The following BPTF variants were observed in gnomAD, a reference collection of about 807,000 sequenced individuals.
BPTF encodes nucleosome-remodeling factor subunit BPTF.
Under a neutral mutation model 292.5 loss-of-function variants are expected in BPTF, and 18 were observed. The ratio of observed to expected loss-of-function variants is 0.06; its 90% CI spans 0.04 to 0.09. The LOEUF (loss-of-function observed/expected upper bound fraction) is 0.09, where lower values mean the gene tolerates loss of function less well. BPTF is among the 10% of genes least tolerant of loss of function. The probability of loss-of-function intolerance (pLI) is 1.00; values close to 1 mark genes in which losing one functional copy is unlikely to be tolerated. For missense variants in BPTF, 2,726 were observed against 3,498.7 expected (o/e 0.78, Z 5.57); for synonymous variants, 1,225 against 1,251.9 (o/e 0.98, Z 0.45).
At chr17:67,968,825 A>G (rs1284071570) in intron 26 of BPTF, among the ~76,000 whole-genome samples, 2 of 150,686 alleles carry the variant, frequency 1.3e-5, no homozygotes, top group East Asian at 3.9e-4. Flanking sequence ...AATAAATACT[A>G]TACAAAATTA....
Position 67,825,799 on chromosome 17 carries a change from G to A in BPTF, c.75G>A (p.Pro25=). ...CGGAGCGCTGCGCCCCGGCCCCGCC[G>A]CCACCGCCGCCGCCGCCCACGTCCG... is the stretch of plus-strand genomic sequence containing the variant. ...PAAERCAPAP[P]PPPPPPTSGP... The change falls in exon 1 of 28, where the codon CCG becomes CCA. Residue 25 remains proline, a synonymous_variant. Transcript: ENST00000306378. 9.7e-7 allele frequency: 1 copy of A among 1,030,058 alleles called. No homozygotes were observed. The highest frequency in any genetic ancestry group is 1.2e-6 in the Non-Finnish European group (1 of 861,272). 63.8% of individuals were successfully genotyped at this position (1,030,058 alleles called of 1,614,324 possible).
chr17:67,911,127 A>C lies in BPTF; in HGVS notation c.3243A>C (p.Lys1081Asn). 6.2e-7 allele frequency: 1 copy of C among 1,614,100 alleles called. No individual in the cohort carries two copies. The highest frequency in any genetic ancestry group is 1.7e-5 in the Admixed American group (1 of 60,026). Residue 1081 changes from lysine to asparagine, a missense_variant, in exon 11 of 28, where the codon AAA (lysine) becomes AAC (asparagine). Physicochemically the swap from Lys to Asn is moderately conservative, Grantham distance 94. Around this residue, in one of 22 missense-constraint regions of BPTF, gnomAD observed 713 missense variants for 714.9 expected, o/e 1.00. Transcript: ENST00000306378. ...FTLEEKQRLEKIKLEGGIKGI... is the reference protein window; with the variant it reads ...FTLEEKQRLENIKLEGGIKGI... ...TGGAAGAAAAACAGCGACTCGAAAA[A>C]ATCAAGTTGGAGGGTGGAATTAAGG...
chr17:67,870,943 G>A (rs2059690111), intron 3 of BPTF, among the ~76,000 whole-genome samples: 1 of 150,854 alleles, frequency 6.6e-6, no homozygotes, highest in African/African-American at 2.4e-5. Context: ...CTAATTTTTT[G>A]TATTTTTAGT....
chr17:67,927,787 T>C lies in BPTF; in HGVS notation c.5752-568T>C, dbSNP rs1422257955. On this transcript the variant is annotated intron_variant, in intron 15 of 27. Coordinates refer to ENST00000306378, the MANE Select transcript of BPTF (RefSeq NM_182641.4). ...GAACAGCTTAGTACTTTTAATGTAA[T>C]ATATGTGGTATAGAGACATGAAAAT... is the stretch of plus-strand genomic sequence containing the variant. Among the ~76,000 whole-genome samples, 7 of 152,220 alleles carry C rather than the reference T, an allele frequency of 4.6e-5. No homozygotes were observed. In the South Asian group the frequency reaches 1.4e-3, roughly 31 times the overall value.
At chr17:67,827,724 G>A (rs916048703) in intron 1 of BPTF, among the ~76,000 whole-genome samples, 3 of 152,098 alleles carry the variant, frequency 2.0e-5, no homozygotes, top group Non-Finnish European at 2.9e-5. Flanking sequence ...GAGAAGTAGG[G>A]TAGTATTAAG....
intron 1 of BPTF, among the ~76,000 whole-genome samples, chr17:67,831,914 C>CA (rs2143862136): frequency 6.6e-6 from 1 of 152,198 alleles, no homozygotes; most frequent in Non-Finnish European, 1.5e-5. Context: ...ATTTATGAGA[C>CA]AGAGTCTCAC....
intron 2 of BPTF, among the ~76,000 whole-genome samples, chr17:67,860,807 C>G (rs2059029737): frequency 6.6e-6 from 1 of 152,246 alleles, no homozygotes; most frequent in Non-Finnish European, 1.5e-5. Flanking sequence ...ATCCTCCAGC[C>G]TTGGCCTCCC....
chr17:67,858,066 G>A (rs1288411222), intron 2 of BPTF, among the ~76,000 whole-genome samples: 1 of 152,166 alleles, frequency 6.6e-6, no homozygotes, highest in Admixed American at 6.5e-5. Context: ...GATTACAGGC[G>A]TGAGCCACCG....
At chr17:67,930,219 A>G (rs890584362) in intron 17 of BPTF, among the ~76,000 whole-genome samples, 1 of 151,674 alleles carries the variant, frequency 6.6e-6, no homozygotes, top group Non-Finnish European at 1.5e-5. Context: ...TTTTTTTGAG[A>G]CAGAGTTTCA....
chr17:67,896,654 T>A (rs1173100923), intron 7 of BPTF, among the ~76,000 whole-genome samples: 3 of 152,238 alleles, frequency 2.0e-5, no homozygotes, highest in Non-Finnish European at 4.4e-5. Flanking sequence ...TGTAAAATTT[T>A]AAAGGCAAGG....
rs774221704 is a variant in BPTF, at chr17:67,866,476, AGAAAAT to A, written c.1461_1466del (p.Asn487_Glu488del). On this transcript the variant is annotated inframe_deletion, in exon 3 of 28. Transcript: ENST00000306378. ...CATTTTTAAACAGAGAAGAAGATAC[AGAAAAT>A]GAAAATGAAAAGAAAATTTGGTATT... 3.7e-6 allele frequency: 6 copies of A among 1,607,526 alleles called. No individual in the cohort carries two copies. Among genetic ancestry groups the A allele is most frequent in the African/African-American group, 1.3e-5 (1 of 74,876 alleles).
rs898072117 is a variant in BPTF, at chr17:67,877,399, G to A, written c.1864+2379G>A. On this transcript the variant is annotated intron_variant, in intron 4 of 27. Coordinates refer to ENST00000306378, the MANE Select transcript of BPTF (RefSeq NM_182641.4). ...CCCTGGACCAAACTCTGTTACCACT[G>A]TTTACTACCTATGGTCAGTGGATGA... 2.0e-5 allele frequency among the ~76,000 whole-genome samples: 3 copies of A among 152,180 alleles called. No individual in the cohort carries two copies. The South Asian group carries it at 6.2e-4, about 31-fold the overall frequency.
chr17:67,857,587 C>A (rs912848750), intron 2 of BPTF, among the ~76,000 whole-genome samples: 6 of 151,628 alleles, frequency 4.0e-5, no homozygotes, highest in Admixed American at 3.9e-4. Flanking sequence ...CTGCTTCAGC[C>A]CACCAAGTAG....
At chr17:67,847,784 G>T (rs192516967) in intron 1 of BPTF, among the ~76,000 whole-genome samples, 3 of 152,158 alleles carry the variant, frequency 2.0e-5, no homozygotes, top group African/African-American at 4.8e-5. Context: ...GAATGTACTG[G>T]AAGAGCATAA....
chr17:67,831,572 A>G (rs552608123), intron 1 of BPTF, among the ~76,000 whole-genome samples: 6 of 152,104 alleles, frequency 3.9e-5, no homozygotes, highest in East Asian at 1.9e-4. Context: ...AAGACCAGGA[A>G]CTCTGGTCTC....
rs1342731328 is a variant in BPTF, at chr17:67,912,776, C to T, written c.4892C>T (p.Thr1631Ile). 2.5e-6 allele frequency: 4 copies of T among 1,614,166 alleles called. No homozygotes were observed. In the South Asian group the frequency reaches 4.4e-5, roughly 18 times the overall value. The change falls in exon 11 of 28, where the codon ACA (threonine) becomes ATA (isoleucine). Residue 1631 changes from threonine to isoleucine, a missense_variant. Around this residue, in one of 22 missense-constraint regions of BPTF, gnomAD observed 144 missense variants for 177.2 expected, o/e 0.81. Coordinates refer to ENST00000306378, the MANE Select transcript of BPTF (RefSeq NM_182641.4). ...TCCACTGTCACAACCACCACTACAA[C>T]AGTGACCAAGCTTTCCACACCCTCC... ...AKSTVTTTTTTVTKLSTPSTG... is the reference protein window; with the variant it reads ...AKSTVTTTTTIVTKLSTPSTG...
At chr17:67,883,821 G>A (rs545486822) in intron 4 of BPTF, among the ~76,000 whole-genome samples, 2 of 152,118 alleles carry the variant, frequency 1.3e-5, no homozygotes, top group East Asian at 1.9e-4. Context: ...GGCTGGTCTC[G>A]AACTCCTGAG....
rs2062737926 is a variant in BPTF at position 67,912,791 on chromosome 17, C to T, written c.4907C>T (p.Ser1636Phe). The T allele has an allele frequency of 6.2e-7, 1 of 1,614,026 alleles. No individual in the cohort carries two copies. The highest frequency in any genetic ancestry group is 8.5e-7 in the Non-Finnish European group (1 of 1,180,018). The change falls in exon 11 of 28, where the codon TCC (serine) becomes TTC (phenylalanine). Residue 1636 changes from serine to phenylalanine, a missense_variant. Ser to Phe is a radical substitution (Grantham distance 155). Coordinates refer to ENST00000306378, the MANE Select transcript of BPTF (RefSeq NM_182641.4). Reference sequence around the variant, plus strand: ...ACCACTACAACAGTGACCAAGCTTTCCACACCCTCCACAGGCGGCAGTGTG... The same window carrying T: ...ACCACTACAACAGTGACCAAGCTTTTCACACCCTCCACAGGCGGCAGTGTG... ...TTTTTTVTKL[S>F]TPSTGGSVDI...
Position 67,910,937 on chromosome 17 carries a change from T to A in BPTF, c.3053T>A (p.Val1018Glu). 6.2e-7 allele frequency: 1 copy of A among 1,613,932 alleles called. No homozygotes were observed. The highest frequency in any genetic ancestry group is 8.5e-7 in the Non-Finnish European group (1 of 1,179,932). The stretch of plus-strand genomic sequence containing the variant: ...CCCTGCAAGGAAGAACCAATGGAAG[T>A]AGACGATGACATGAAAACAGAGTCA... ...DKPCKEEPME[V>E]DDDMKTESHV... is the part of the protein sequence containing the mutation. Residue 1018 changes from valine to glutamate, a missense_variant, in exon 11 of 28, where the codon GTA becomes GAA. Val to Glu is a moderately radical substitution (Grantham distance 121). This residue lies in a region of BPTF where 713 missense variants were observed against 714.9 expected (regional missense o/e 1.00). Coordinates refer to ENST00000306378, the MANE Select transcript of BPTF (RefSeq NM_182641.4).
Sources: allele counts gnomAD v4.1 joint callset (sites outside exome capture counted in the v4.1 genomes callset), GRCh38; gene constraint gnomAD v4.1.1; regional missense constraint gnomAD v4.1.1; transcripts MANE v1.5; gene names NCBI Gene and HGNC (gene_info 2026-07-23, HGNC 2026-07-21).